FMNL2: variants seen among roughly 807,000 people sequenced by gnomAD.
The protein encoded by FMNL2 is formin-like protein 2.
A neutral mutation model predicts 130.2 loss-of-function variants in FMNL2; 51 were observed. The ratio of observed to expected loss-of-function variants is 0.39; its 90% CI spans 0.31 to 0.49. The LOEUF (loss-of-function observed/expected upper bound fraction) is 0.49. Ranked by LOEUF, FMNL2 falls within the 20% of genes least tolerant of loss-of-function variation. The pLI, the probability that FMNL2 is intolerant of heterozygous loss-of-function variation, is 0.85. For synonymous variants in FMNL2, 465 were observed against 467.1 expected (o/e 1.00, Z 0.06); for missense variants, 977 against 1,316.2 (o/e 0.74, Z 3.99).
intron 1 of FMNL2, 44 bp downstream of exon 1, chr2:152,335,764 G>A (rs1681373214): frequency 2.1e-6 from 3 of 1,405,300 alleles, no homozygotes; most frequent in Non-Finnish European, 2.8e-6. Flanking sequence ...CGGGGCCCCG[G>A]GCCGGGCGGC....
Position 152,549,030 on chromosome 2 carries a change from C to T in FMNL2, c.292C>T (p.Arg98Trp), listed in dbSNP as rs779622921. The change falls in exon 4 of 26, where the codon CGG becomes TGG. Residue 98 changes from arginine (R) to tryptophan (W), a missense_variant. Coordinates refer to ENST00000288670, the MANE Select transcript of FMNL2 (RefSeq NM_052905.4). ...DPAVTRKKFRRRVQESTQVLR... is the reference protein window; with the variant it reads ...DPAVTRKKFRWRVQESTQVLR... Reference sequence around the variant, plus strand: ...TGTTCTTGAATTATAGAAATTCAGACGGCGTGTTCAAGAATCTACACAAGT... The same window carrying T: ...TGTTCTTGAATTATAGAAATTCAGATGGCGTGTTCAAGAATCTACACAAGT... 2.1e-5 allele frequency: 33 copies of T among 1,606,102 alleles called. No homozygotes were observed. The highest frequency in any genetic ancestry group is 3.4e-5 in the South Asian group (3 of 88,646).
At chr2:152,497,019 T>A (rs1360704794) in intron 1 of FMNL2, among the ~76,000 whole-genome samples, 1 of 152,194 alleles carries the variant, frequency 6.6e-6, no homozygotes, top group African/African-American at 2.4e-5. Context: ...CTAGATGTGC[T>A]TATTGTTCCT....
At chr2:152,505,466 G>A (rs1579832543) in intron 1 of FMNL2, among the ~76,000 whole-genome samples, 1 of 152,094 alleles carries the variant, frequency 6.6e-6, no homozygotes, top group East Asian at 1.9e-4. Flanking sequence ...TTAATGAATT[G>A]CTTTTCTTGT....
intron 1 of FMNL2, among the ~76,000 whole-genome samples, chr2:152,506,288 G>A (rs1692165982): frequency 6.6e-6 from 1 of 151,970 alleles, no homozygotes; most frequent in Non-Finnish European, 1.5e-5. Flanking sequence ...GTCTTTCCTT[G>A]GTATCTATGG....
rs1698686816 is a variant in FMNL2, at chr2:152,611,610, G to C, written c.1062+5G>C. 1 of 1,551,000 alleles carries C rather than the reference G, an allele frequency of 6.4e-7. No individual in the cohort carries two copies. The highest frequency in any genetic ancestry group is 1.4e-5 in the African/African-American group (1 of 73,842). The stretch of plus-strand genomic sequence containing the variant: ...GGCCTGGACGAATACTTGGACGTGA[G>C]TATAGCTGTGACCTTTGGCTCCAAT... On this transcript the variant is annotated splice_donor_5th_base_variant and intron_variant, in intron 11 of 25. Transcript: ENST00000288670.
At chr2:152,360,498 G>A (rs978401118) in intron 1 of FMNL2, among the ~76,000 whole-genome samples, 2 of 151,800 alleles carry the variant, frequency 1.3e-5, no homozygotes, top group Non-Finnish European at 2.9e-5. Context: ...GACCAGCTAC[G>A]CTTTTTTTTG....
intron 4 of FMNL2, among the ~76,000 whole-genome samples, chr2:152,553,275 C>T (rs1250471063): frequency 6.6e-6 from 1 of 152,112 alleles, no homozygotes; most frequent in Non-Finnish European, 1.5e-5. Context: ...TAACTTATTC[C>T]TAGATGGTAC....
chr2:152,571,183 T>C (rs576162869), intron 6 of FMNL2, among the ~76,000 whole-genome samples: 12 of 152,116 alleles, frequency 7.9e-5, no homozygotes, highest in East Asian at 7.7e-4. Flanking sequence ...TTTTCCTCCT[T>C]CTCCTCTCCT....
At chr2:152,479,853 GGCACGTGCCACC>G (rs1213484984) in intron 1 of FMNL2, among the ~76,000 whole-genome samples, 3 of 151,790 alleles carry the variant, frequency 2.0e-5, no homozygotes, top group Admixed American at 2.0e-4. Context: ...TGGCACTACA[GGCACGTGCCACC>G]GCACCTGGTT....
At chr2:152,456,311 A>G (rs942504101) in intron 1 of FMNL2, among the ~76,000 whole-genome samples, 4 of 152,186 alleles carry the variant, frequency 2.6e-5, no homozygotes, top group Non-Finnish European at 5.9e-5. Flanking sequence ...TAAATAAGTG[A>G]TCACCTTGAT....
intron 1 of FMNL2, among the ~76,000 whole-genome samples, chr2:152,375,897 A>AATTATT (rs1553871973): frequency 8.3e-6 from 1 of 119,888 alleles, no homozygotes; most frequent in Non-Finnish European, 1.8e-5. Flanking sequence ...ATATATATAT[A>AATTATT]ATTATTATTA....
At position 152,404,029 on chromosome 2, in the gene FMNL2, C is replaced by T. The variant is rs112316433; in HGVS notation, c.117+68309C>T. Among the ~76,000 whole-genome samples the T allele has an allele frequency of 1.4e-4, 22 of 152,358 alleles. 1 individual carries two copies. Among genetic ancestry groups the T allele is most frequent in the African/African-American group, 4.8e-4 (20 of 41,574 alleles). On this transcript the variant is annotated intron_variant, in intron 1 of 25. Coordinates refer to ENST00000288670, the MANE Select transcript of FMNL2 (RefSeq NM_052905.4). ...GTTGCAGTGAGCCGAGATCACGCCACTGCACTGCAGCCTGGTGACAGAGCG... is the reference window on the plus strand; with the variant it reads ...GTTGCAGTGAGCCGAGATCACGCCATTGCACTGCAGCCTGGTGACAGAGCG...
chr2:152,619,462 C>T (rs1300918912), intron 14 of FMNL2, 47 bp from the exon 15 acceptor site: 1 of 1,548,588 alleles, frequency 6.5e-7, no homozygotes, highest in Admixed American at 2.0e-5. Flanking sequence ...TGCAGGAAAG[C>T]CATTCCCGTA....
chr2:152,423,233 T>C lies in FMNL2; in HGVS notation c.117+87513T>C, dbSNP rs192721534. Among the ~76,000 whole-genome samples, 207 of 152,344 alleles carry C rather than the reference T, an allele frequency of 1.4e-3. 1 individual carries two copies. Among genetic ancestry groups the C allele is most frequent in the South Asian group, 6.2e-3 (30 of 4,828 alleles). ...ATCAAACAATATAGCACTCACCATA[T>C]GTCAGGCACTGTTCTAAGTGCTTTG... On this transcript the variant is annotated intron_variant, in intron 1 of 25. Transcript: ENST00000288670.
chr2:152,537,938 T>C (rs1300723415), intron 2 of FMNL2, among the ~76,000 whole-genome samples: 1 of 152,172 alleles, frequency 6.6e-6, no homozygotes, highest in African/African-American at 2.4e-5. Context: ...TCATTTAATC[T>C]TTAAGCCTCA....
Position 152,335,666 on chromosome 2 carries a change from G to A in FMNL2, c.63G>A (p.Leu21=). The A allele has an allele frequency of 1.3e-6, 2 of 1,594,244 alleles. No individual in the cohort carries two copies. The highest frequency in any genetic ancestry group is 2.2e-5 in the South Asian group (2 of 89,912). ...ATTTCAGGGCGCACAACGTGCCTTT[G>A]AAGCTGCCGATGCCAGAGCCAGGTG... is the stretch of plus-strand genomic sequence containing the variant. The part of the protein sequence containing the change: ...QTDFRAHNVP[L]KLPMPEPGEL... The change falls in exon 1 of 26, where the codon TTG becomes TTA. Residue 21 remains leucine (L), a synonymous_variant. Coordinates refer to ENST00000288670, the MANE Select transcript of FMNL2 (RefSeq NM_052905.4).
Position 152,391,329 on chromosome 2 carries a change from C to T in FMNL2, c.117+55609C>T, listed in dbSNP as rs1481558530. 5.3e-5 allele frequency among the ~76,000 whole-genome samples: 8 copies of T among 152,262 alleles called. No individual in the cohort carries two copies. The East Asian group carries it at 1.5e-3, about 29-fold the overall frequency. On this transcript the variant is annotated intron_variant, in intron 1 of 25. Transcript: ENST00000288670. ...GGGAGATTCTGACAGATTAAGGTTT[C>T]ACAACAAACACAGATAAAAGACAAT...
intron 11 of FMNL2, among the ~76,000 whole-genome samples, chr2:152,613,433 T>C (rs1698788521): frequency 6.6e-6 from 1 of 152,232 alleles, no homozygotes; most frequent in African/African-American, 2.4e-5. Flanking sequence ...ATTAAGCTGC[T>C]TCTCCTTTTG....
chr2:152,577,079 G>A (rs1317433844), intron 7 of FMNL2, among the ~76,000 whole-genome samples: 1 of 152,170 alleles, frequency 6.6e-6, no homozygotes, highest in African/African-American at 2.4e-5. Flanking sequence ...AAGGCAAGAG[G>A]GGGTAGACCA....
Sources: gnomAD v4.1 joint callset for allele counts (sites outside exome capture counted in the v4.1 genomes callset) on GRCh38, gnomAD v4.1.1 for gene constraint, MANE v1.5 for transcripts, NCBI Gene and HGNC (gene_info 2026-07-23, HGNC 2026-07-21) for gene names.